The following PTPRD variants were observed in gnomAD, a reference collection of about 807,000 sequenced individuals.
The protein encoded by PTPRD is protein tyrosine phosphatase receptor type D, also known as receptor-type tyrosine-protein phosphatase delta.
A neutral mutation model predicts 214.5 loss-of-function variants in PTPRD; 34 were observed. The observed-to-expected ratio is 0.16, with a 90% CI of 0.12 to 0.21. PTPRD has a LOEUF of 0.21. PTPRD is among the 10% of genes least tolerant of loss of function. PTPRD has a pLI of 1.00. For synonymous variants in PTPRD, 1,128 were observed against 845.7 expected (o/e 1.33, Z -5.79); for missense variants, 2,545 against 2,398.7 (o/e 1.06, Z -1.27).
chr9:9,870,134 A>T (rs2065047119), intron 5 of PTPRD, among the ~76,000 whole-genome samples: 1 of 152,072 alleles, frequency 6.6e-6, no homozygotes. Flanking sequence ...GGTAATCTCT[A>T]AGATTGGTAA....
intron 14 of PTPRD, among the ~76,000 whole-genome samples, chr9:8,560,460 CACACACACACACATATAT>C (rs993865047): frequency 1.4e-5 from 2 of 138,552 alleles, no homozygotes; most frequent in African/African-American, 3.2e-5. Context: ...CACACACACA[CACACACACACACATATAT>C]ACACTGTTTC....
chr9:9,017,565 C>A (rs1589860832), intron 11 of PTPRD, among the ~76,000 whole-genome samples: 1 of 152,088 alleles, frequency 6.6e-6, no homozygotes, highest in Non-Finnish European at 1.5e-5. Flanking sequence ...GCACAATTTT[C>A]AGTTTTTTAG....
intron 8 of PTPRD, among the ~76,000 whole-genome samples, chr9:9,458,573 C>G (rs1217562870): frequency 2.0e-5 from 3 of 151,858 alleles, no homozygotes; most frequent in Admixed American, 6.6e-5. Flanking sequence ...TAAAAAAAAT[C>G]ATGAGTTGTT....
chr9:9,893,387 T>G (rs1182019544), intron 5 of PTPRD, among the ~76,000 whole-genome samples: 1 of 152,040 alleles, frequency 6.6e-6, no homozygotes, highest in Non-Finnish European at 1.5e-5. Context: ...GAGACTCATC[T>G]CACATGCAAT....
chr9:8,400,743 C>G (rs2092255679), intron 36 of PTPRD, among the ~76,000 whole-genome samples: 1 of 152,132 alleles, frequency 6.6e-6, no homozygotes, highest in Admixed American at 6.5e-5. Context: ...CTGTGTGACT[C>G]TGGGCCAATC....
intron 27 of PTPRD, among the ~76,000 whole-genome samples, chr9:8,486,621 G>T (rs149923623): frequency 1.3e-5 from 2 of 152,098 alleles, no homozygotes; most frequent in African/African-American, 2.4e-5. Flanking sequence ...TTTGACACCT[G>T]CACGTTTTAA....
chr9:9,899,279 A>C (rs1265381835), intron 5 of PTPRD, among the ~76,000 whole-genome samples: 1 of 152,046 alleles, frequency 6.6e-6, no homozygotes, highest in African/African-American at 2.4e-5. Flanking sequence ...TGAAATGGGA[A>C]AAAAGTACTG....
At chr9:8,854,682 C>T (rs1012522643) in intron 11 of PTPRD, among the ~76,000 whole-genome samples, 5 of 152,254 alleles carry the variant, frequency 3.3e-5, no homozygotes, top group Middle Eastern at 3.4e-3. Flanking sequence ...ATGTATAGTG[C>T]GTCTTCAGTC....
At chr9:8,406,556 C>T (rs959341527) in intron 35 of PTPRD, among the ~76,000 whole-genome samples, 1 of 151,774 alleles carries the variant, frequency 6.6e-6, no homozygotes, top group South Asian at 2.1e-4. Context: ...AAATTCCTAC[C>T]TATGCAGCTT....
At chr9:10,239,136 T>C (rs2099638525) in intron 3 of PTPRD, among the ~76,000 whole-genome samples, 1 of 151,988 alleles carries the variant, frequency 6.6e-6, no homozygotes, top group African/African-American at 2.4e-5. Context: ...TAAGTTTCCA[T>C]AAAGCAATCT....
At chr9:9,393,145 T>C (rs181251248) in intron 9 of PTPRD, among the ~76,000 whole-genome samples, 2 of 152,296 alleles carry the variant, frequency 1.3e-5, no homozygotes, top group East Asian at 3.9e-4. Flanking sequence ...TTCCTGGCCA[T>C]GTGACAAGAA....
intron 7 of PTPRD, among the ~76,000 whole-genome samples, chr9:9,631,799 A>G (rs1229439938): frequency 6.6e-6 from 1 of 152,174 alleles, no homozygotes; most frequent in East Asian, 1.9e-4. Flanking sequence ...TCAGAGCCTC[A>G]TTTACACCAC....
At chr9:9,265,737 C>T (rs1169169570) in intron 9 of PTPRD, among the ~76,000 whole-genome samples, 1 of 150,622 alleles carries the variant, frequency 6.6e-6, no homozygotes, top group South Asian at 2.1e-4. Context: ...TGAAAAGACT[C>T]AAAGCACACC....
chr9:9,120,005 A>G (rs186657809), intron 10 of PTPRD, among the ~76,000 whole-genome samples: 11 of 152,282 alleles, frequency 7.2e-5, no homozygotes, highest in African/African-American at 2.6e-4. Flanking sequence ...TGTGTTTGGG[A>G]CATAATGGTT....
chr9:9,514,234 G>C (rs914352118), intron 8 of PTPRD, among the ~76,000 whole-genome samples: 20 of 152,048 alleles, frequency 1.3e-4, no homozygotes, highest in African/African-American at 4.8e-4. Context: ...CTCTGCATCA[G>C]CTTCATGAAT....
intron 2 of PTPRD, among the ~76,000 whole-genome samples, chr9:10,366,361 A>T (rs1351835006): frequency 6.6e-6 from 1 of 152,180 alleles, no homozygotes; most frequent in East Asian, 1.9e-4. Context: ...TGCAGTTATC[A>T]TTTTGACCTC....
chr9:9,835,428 G>T (rs997242075), intron 5 of PTPRD, among the ~76,000 whole-genome samples: 1 of 152,086 alleles, frequency 6.6e-6, no homozygotes, highest in Non-Finnish European at 1.5e-5. Flanking sequence ...TGTAAAGGTG[G>T]CAGTGCAAGA....
intron 6 of PTPRD, among the ~76,000 whole-genome samples, chr9:9,758,375 T>C (rs913744135): frequency 2.6e-5 from 4 of 152,118 alleles, no homozygotes; most frequent in Non-Finnish European, 4.4e-5. Flanking sequence ...GACTGCTATA[T>C]GCCCACCTGT....
intron 14 of PTPRD, among the ~76,000 whole-genome samples, chr9:8,572,201 G>C (rs1202518649): frequency 1.3e-5 from 2 of 151,964 alleles, no homozygotes; most frequent in African/African-American, 4.8e-5. Flanking sequence ...ATTAGGTGTG[G>C]CTCACCCAAA....
Sources: gnomAD v4.1 joint callset for allele counts (sites outside exome capture counted in the v4.1 genomes callset) on GRCh38, gnomAD v4.1.1 for gene constraint, MANE v1.5 for transcripts, NCBI Gene and HGNC (gene_info 2026-07-23, HGNC 2026-07-21) for gene names.